GPR158: variants seen among roughly 807,000 people sequenced by gnomAD.
GPR158 encodes metabotropic glycine receptor.
Under a neutral mutation model 78.2 loss-of-function variants are expected in GPR158, and 30 were observed. That is an observed-to-expected ratio of 0.38 (90% CI 0.29 to 0.52). The LOEUF is 0.52. GPR158 is among the 20% of genes least tolerant of loss of function. The pLI, the probability that GPR158 is intolerant of heterozygous loss-of-function variation, is 0.83. For synonymous variants in GPR158, 581 were observed against 591.1 expected, an observed-to-expected ratio of 0.98 and a Z score of 0.25; for missense variants, 1,463 against 1,523.5, an observed-to-expected ratio of 0.96 and a Z score of 0.66.
intron 2 of GPR158, among the ~76,000 whole-genome samples, chr10:25,275,218 T>C (rs931360549): frequency 1.3e-5 from 2 of 152,178 alleles, no homozygotes; most frequent in African/African-American, 2.4e-5. Flanking sequence ...GATGTGTTTT[T>C]AAAAGTGTGG....
chr10:25,543,868 C>A (rs1272370651), intron 5 of GPR158, among the ~76,000 whole-genome samples: 2 of 152,180 alleles, frequency 1.3e-5, no homozygotes, highest in Non-Finnish European at 2.9e-5. Flanking sequence ...AAAAACTTCC[C>A]ATGGTTATGA....
chr10:25,521,011 A>G (rs948910568), intron 5 of GPR158, among the ~76,000 whole-genome samples: 35 of 152,066 alleles, frequency 2.3e-4, no homozygotes, highest in Admixed American at 3.3e-4. Context: ...GCTAGCAATC[A>G]GCGAGACTCT....
At chr10:25,228,385 A>T (rs532466041) in intron 2 of GPR158, among the ~76,000 whole-genome samples, 1 of 152,264 alleles carries the variant, frequency 6.6e-6, no homozygotes, top group Non-Finnish European at 1.5e-5. Flanking sequence ...AGTATTACAT[A>T]TAGTAGCAAA....
chr10:25,532,820 C>G (rs1021946067), intron 5 of GPR158, among the ~76,000 whole-genome samples: 1 of 152,006 alleles, frequency 6.6e-6, no homozygotes, highest in African/African-American at 2.4e-5. Flanking sequence ...CCCAGCCAAC[C>G]TATTCAGAGA....
chr10:25,583,519 G>A (rs1383720522), intron 7 of GPR158, among the ~76,000 whole-genome samples: 3 of 152,066 alleles, frequency 2.0e-5, no homozygotes, highest in African/African-American at 7.2e-5. Flanking sequence ...TATACTAGCT[G>A]AAGCCTAGAA....
At chr10:25,478,748 A>G (rs1002338011) in intron 5 of GPR158, among the ~76,000 whole-genome samples, 3 of 150,696 alleles carry the variant, frequency 2.0e-5, no homozygotes, top group Non-Finnish European at 4.4e-5. Context: ...GCACCCATTA[A>G]CTCGTCATTT....
chr10:25,465,113 A>G (rs1380370698), intron 4 of GPR158, among the ~76,000 whole-genome samples: 1 of 152,186 alleles, frequency 6.6e-6, no homozygotes, highest in East Asian at 1.9e-4. Flanking sequence ...GGGGAATTAG[A>G]ATTTTTTCTC....
chr10:25,309,626 A>G (rs1854734768), intron 2 of GPR158, among the ~76,000 whole-genome samples: 1 of 152,052 alleles, frequency 6.6e-6, no homozygotes, highest in South Asian at 2.1e-4. Flanking sequence ...ACCCAAATCT[A>G]ATCTTGAATT....
chr10:25,520,770 T>C (rs964577530), intron 5 of GPR158, among the ~76,000 whole-genome samples: 8 of 152,210 alleles, frequency 5.3e-5, no homozygotes, highest in Admixed American at 3.9e-4. Context: ...ACCACTGCTC[T>C]CTTCAAAGCT....
intron 4 of GPR158, among the ~76,000 whole-genome samples, chr10:25,459,876 TC>T (rs1835335221): frequency 6.6e-6 from 1 of 152,202 alleles, no homozygotes; most frequent in Non-Finnish European, 1.5e-5. Flanking sequence ...GTTATAAACC[TC>T]CATAAGTCAG....
rs76983378 is a variant in GPR158, at chr10:25,325,231, C to A, written c.1009-70680C>A. On this transcript the variant is annotated intron_variant, in intron 2 of 10. Transcript: ENST00000376351. ...GAGATGAGGAGAAAGGGAGAGGATT[C>A]GAGCATAAAAACTGTGATTGACATT... 2.7e-3 allele frequency among the ~76,000 whole-genome samples: 418 copies of A among 152,122 alleles called. 2 individuals carry two copies. Among genetic ancestry groups the A allele is most frequent in the African/African-American group, 9.7e-3 (402 of 41,506 alleles).
rs78271331 is a variant in GPR158, at chr10:25,425,758, G to A, written c.1335+13285G>A. ...TTCTTATATTGCCTCTTCTGCTTTA[G>A]CACTCCTGGGCTTCTCTCTTAGGAC... On this transcript the variant is annotated intron_variant, in intron 4 of 10. Transcript: ENST00000376351. Among the ~76,000 whole-genome samples the A allele has an allele frequency of 8.0e-3, 1,214 of 152,122 alleles. 10 individuals are homozygous for A. Among genetic ancestry groups the A allele is most frequent in the Non-Finnish European group, 0.01 (693 of 67,990 alleles).
chr10:25,583,096 G>GT (rs1325727343), intron 7 of GPR158, among the ~76,000 whole-genome samples: 1 of 152,174 alleles, frequency 6.6e-6, no homozygotes, highest in African/African-American at 2.4e-5. Flanking sequence ...GAGAACGGAG[G>GT]TTCTCTGCAG....
chr10:25,203,164 G>T (rs1588732588), intron 1 of GPR158, among the ~76,000 whole-genome samples: 1 of 152,304 alleles, frequency 6.6e-6, no homozygotes, highest in African/African-American at 2.4e-5. Context: ...CCCTTTGTCA[G>T]ATGGGTAGAT....
chr10:25,461,461 ACT>A, intron 4 of GPR158, among the ~76,000 whole-genome samples: 1 of 152,310 alleles, frequency 6.6e-6, no homozygotes, highest in African/African-American at 2.4e-5. Flanking sequence ...CAAGGGCCTA[ACT>A]CTCTTCAATT....
At chr10:25,550,053 T>A (rs1836708519) in intron 5 of GPR158, among the ~76,000 whole-genome samples, 1 of 152,172 alleles carries the variant, frequency 6.6e-6, no homozygotes, top group South Asian at 2.1e-4. Context: ...CCAATTCTTA[T>A]TCTACAAGGA....
chr10:25,412,707 C>T (rs549155947), intron 4 of GPR158, among the ~76,000 whole-genome samples: 1 of 152,296 alleles, frequency 6.6e-6, no homozygotes, highest in South Asian at 2.1e-4. Context: ...GCCTGGATCT[C>T]CAGTGCTTCA....
At chr10:25,411,689 A>T (rs770417799) in intron 3 of GPR158, among the ~76,000 whole-genome samples, 2 of 152,050 alleles carry the variant, frequency 1.3e-5, no homozygotes, top group Non-Finnish European at 2.9e-5. Flanking sequence ...TAATCCCAGC[A>T]CTTTGGGAGG....
chr10:25,337,825 A>G (rs370135259), intron 2 of GPR158, among the ~76,000 whole-genome samples: 1 of 152,022 alleles, frequency 6.6e-6, no homozygotes, highest in Non-Finnish European at 1.5e-5. Flanking sequence ...ATTTTAGCCT[A>G]TCTGATGTGC....
Sources: allele counts gnomAD v4.1 joint callset (sites outside exome capture counted in the v4.1 genomes callset), GRCh38; gene constraint gnomAD v4.1.1; transcripts MANE v1.5; gene names NCBI Gene and HGNC (gene_info 2026-07-23, HGNC 2026-07-21).